CRYL1: variants seen among roughly 807,000 people sequenced by gnomAD.
CRYL1 encodes lambda-crystallin homolog.
CRYL1 carries 29 observed loss-of-function variants against 36.6 expected under a neutral mutation model. That is an observed-to-expected ratio of 0.79 (90% CI 0.59 to 1.08). CRYL1 has a LOEUF of 1.08. Ranked by LOEUF, CRYL1 falls within the 50% of genes least tolerant of loss-of-function variation. CRYL1 has a pLI of 0.00. For synonymous variants in CRYL1, 152 were observed against 151.5 expected, an observed-to-expected ratio of 1.00 and a Z score of -0.02; for missense variants, 411 against 407.9, an observed-to-expected ratio of 1.01 and a Z score of -0.06.
chr13:20,427,433 G>T, intron 5 of CRYL1: 1 of 343,146 alleles, frequency 2.9e-6, no homozygotes, highest in Non-Finnish European at 4.1e-6. Flanking sequence ...AGCTGCAAGG[G>T]AACAGAGAGA....
chr13:20,486,154 G>C (rs960986883), intron 3 of CRYL1, among the ~76,000 whole-genome samples: 1 of 151,868 alleles, frequency 6.6e-6, no homozygotes, highest in South Asian at 2.1e-4. Flanking sequence ...TCCTGAGCTC[G>C]AGCAATCCGC....
intron 3 of CRYL1, among the ~76,000 whole-genome samples, chr13:20,477,988 T>G (rs2033200837): frequency 6.8e-6 from 1 of 147,010 alleles, no homozygotes; most frequent in African/African-American, 2.5e-5. Context: ...TATATATATG[T>G]ATATAAAAAT....
At chr13:20,442,959 A>G (rs971498451) in intron 3 of CRYL1, among the ~76,000 whole-genome samples, 1 of 152,236 alleles carries the variant, frequency 6.6e-6, no homozygotes, top group African/African-American at 2.4e-5. Context: ...CCTCTTCCTT[A>G]GACTGATCAC....
At chr13:20,489,592 C>T in intron 2 of CRYL1, 96 bp from the exon 3 acceptor site, 4 of 1,458,366 alleles carry the variant, frequency 2.7e-6, no homozygotes, top group Non-Finnish European at 3.8e-6. Context: ...AAATGCCAAG[C>T]AGAACCACAG....
At chr13:20,454,151 T>C (rs2137421668) in intron 3 of CRYL1, among the ~76,000 whole-genome samples, 1 of 152,044 alleles carries the variant, frequency 6.6e-6, no homozygotes, top group East Asian at 1.9e-4. Flanking sequence ...GAAGGCAGAA[T>C]CACCGTAATA....
At position 20,435,370 on chromosome 13, in the gene CRYL1, C is replaced by T. The variant is rs1474639314; in HGVS notation, c.439-3074G>A. Among the ~76,000 whole-genome samples, 1 of 152,160 alleles carries T rather than the reference C, an allele frequency of 6.6e-6. No individual in the cohort carries two copies. ...CGCAGGGGCCAGCGACTGGGCCCCA[C>T]GCAGCCCCCCAAAACAGACTTCCAT... On this transcript the variant is annotated intron_variant, in intron 4 of 7. Coordinates refer to ENST00000298248, the MANE Select transcript of CRYL1 (RefSeq NM_015974.3). This position sits in a 1 kb window ranked among gnomAD's most constrained non-coding sequence, Gnocchi z 4.0.
At chr13:20,492,491 G>C (rs2033531361) in intron 2 of CRYL1, among the ~76,000 whole-genome samples, 1 of 152,112 alleles carries the variant, frequency 6.6e-6, no homozygotes, top group Non-Finnish European at 1.5e-5. Context: ...AGGTTTCAGG[G>C]AGAATGCATT....
At chr13:20,469,149 A>T (rs2033003569) in intron 3 of CRYL1, among the ~76,000 whole-genome samples, 1 of 152,210 alleles carries the variant, frequency 6.6e-6, no homozygotes, top group South Asian at 2.1e-4. Context: ...TATGATTAAA[A>T]TAAGTTGTGG....
chr13:20,520,049 T>A (rs905621645), intron 1 of CRYL1, among the ~76,000 whole-genome samples: 3 of 152,124 alleles, frequency 2.0e-5, no homozygotes, highest in Non-Finnish European at 4.4e-5. Context: ...GAAGGGAGAA[T>A]AACTGAAACC....
intron 5 of CRYL1, chr13:20,426,568 G>C: frequency 2.4e-6 from 1 of 419,678 alleles, no homozygotes; most frequent in Non-Finnish European, 3.2e-6. Context: ...CTTGCGGTCA[G>C]AGAGAAGGAG....
Position 20,456,746 on chromosome 13 carries a change from C to T in CRYL1, c.277-16992G>A, listed in dbSNP as rs1176319569. Among the ~76,000 whole-genome samples, 7 of 152,160 alleles carry T rather than the reference C, an allele frequency of 4.6e-5. No individual in the cohort carries two copies. In the South Asian group the frequency reaches 1.2e-3, roughly 27 times the overall value. Reference sequence around the variant, plus strand: ...CCTAGCCAGCTATGCTCCTGTTACACGACCTGCCCACCCCCCACTCTTCAT... The same window carrying T: ...CCTAGCCAGCTATGCTCCTGTTACATGACCTGCCCACCCCCCACTCTTCAT... On this transcript the variant is annotated intron_variant, in intron 3 of 7. Transcript: ENST00000298248.
In CRYL1 at chr13:20,525,780, C is replaced by A. The variant is rs1307752032; in HGVS notation, c.15G>T (p.Ala5=). 1 of 1,286,054 alleles carries A rather than the reference C, an allele frequency of 7.8e-7. No individual in the cohort carries two copies. The highest frequency in any genetic ancestry group is 9.8e-7 in the Non-Finnish European group (1 of 1,015,288). 79.7% of individuals were successfully genotyped at this position (1,286,054 alleles called of 1,614,324 possible). Residue 5 remains alanine, a synonymous_variant, in exon 1 of 8, where the codon GCG becomes GCT. Coordinates refer to ENST00000298248, the MANE Select transcript of CRYL1 (RefSeq NM_015974.3). The surrounding 1 kb of genome is among the most constrained non-coding windows in gnomAD (Gnocchi z 4.3). MASS[A]AGCVVIVGSG... ...TGCCAACGATCACCACGCAGCCGGC[C>A]GCGGAGGACGCCATGGTTGGGCCGG...
chr13:20,493,123 T>C (rs1160198158), intron 2 of CRYL1, among the ~76,000 whole-genome samples: 1 of 152,230 alleles, frequency 6.6e-6, no homozygotes, highest in Non-Finnish European at 1.5e-5. Flanking sequence ...ATCGAAGCTC[T>C]AGATTAGCAA....
At chr13:20,473,898 T>C (rs970748538) in intron 3 of CRYL1, among the ~76,000 whole-genome samples, 1 of 152,130 alleles carries the variant, frequency 6.6e-6, no homozygotes, top group African/African-American at 2.4e-5. Context: ...CGGGTATAAG[T>C]AACAGGGTAA....
intron 6 of CRYL1, 77 bp from the exon 7 acceptor site, chr13:20,404,818 T>G (rs1435442804): frequency 1.0e-6 from 1 of 976,504 alleles, no homozygotes; most frequent in African/African-American, 1.6e-5. Flanking sequence ...AGAAATGCAT[T>G]CAGAGAGTTT....
At chr13:20,520,058 C>G (rs2034067259) in intron 1 of CRYL1, among the ~76,000 whole-genome samples, 1 of 152,096 alleles carries the variant, frequency 6.6e-6, no homozygotes, top group Admixed American at 6.6e-5. Context: ...ATAACTGAAA[C>G]CATATTAGCC....
chr13:20,434,655 G>C, intron 4 of CRYL1, among the ~76,000 whole-genome samples: 1 of 123,708 alleles, frequency 8.1e-6, no homozygotes, highest in East Asian at 2.5e-4. Context: ...AACCCACTCC[G>C]CTGTCTTTCC....
chr13:20,411,496 G>C (rs2031521991), intron 6 of CRYL1, among the ~76,000 whole-genome samples: 1 of 152,046 alleles, frequency 6.6e-6, no homozygotes, highest in Non-Finnish European at 1.5e-5. Flanking sequence ...AAAAAAGGGA[G>C]AAAGAAAAAC....
chr13:20,486,330 G>C (rs746324994), intron 3 of CRYL1, among the ~76,000 whole-genome samples: 1 of 152,144 alleles, frequency 6.6e-6, no homozygotes, highest in African/African-American at 2.4e-5. Context: ...GTTGGCATTC[G>C]TAGCATGGCG....
Sources: gnomAD v4.1 joint callset for allele counts (sites outside exome capture counted in the v4.1 genomes callset) on GRCh38, gnomAD v4.1.1 for gene constraint, Gnocchi (gnomAD v3.1) non-coding constraint, MANE v1.5 for transcripts, NCBI Gene and HGNC (gene_info 2026-07-23, HGNC 2026-07-21) for gene names.